Variants in ENAH observed in about 807,000 individuals in gnomAD.
ENAH encodes ENAH actin regulator.
Under a neutral mutation model 78.7 loss-of-function variants are expected in ENAH, and 23 were observed. The ratio of observed to expected loss-of-function variants is 0.29; its 90% CI spans 0.21 to 0.41. The LOEUF (loss-of-function observed/expected upper bound fraction) is 0.41. ENAH is among the 10% of genes least tolerant of loss of function. The pLI is 1.00. For synonymous variants in ENAH, 226 were observed against 241.0 expected, an observed-to-expected ratio of 0.94 and a Z score of 0.58; for missense variants, 544 against 691.0, an observed-to-expected ratio of 0.79 and a Z score of 2.39.
chr1:225,606,793 A>G (rs2096957797), intron 1 of ENAH, among the ~76,000 whole-genome samples: 2 of 148,766 alleles, frequency 1.3e-5, no homozygotes, highest in South Asian at 4.2e-4. Flanking sequence ...CAGTGAGCCA[A>G]CATAACACCA....
chr1:225,586,810 G>T (rs1430953278), intron 1 of ENAH, among the ~76,000 whole-genome samples: 1 of 152,134 alleles, frequency 6.6e-6, no homozygotes, highest in Non-Finnish European at 1.5e-5. Flanking sequence ...AACCACTTGA[G>T]GGCAGGAGTT....
chr1:225,552,240 C>T (rs2096644671), intron 3 of ENAH, among the ~76,000 whole-genome samples: 1 of 151,066 alleles, frequency 6.6e-6, no homozygotes, highest in Non-Finnish European at 1.5e-5. Flanking sequence ...GGGTTCACAC[C>T]ATTCTCCTGC....
intron 11 of ENAH, among the ~76,000 whole-genome samples, chr1:225,506,072 A>G (rs1391279978): frequency 6.6e-6 from 1 of 152,232 alleles, no homozygotes; most frequent in African/African-American, 2.4e-5. Context: ...AAATGGACCA[A>G]ATACATCAAA....
chr1:225,508,750 T>C (rs1017859899), intron 10 of ENAH, among the ~76,000 whole-genome samples: 7 of 152,208 alleles, frequency 4.6e-5, no homozygotes, highest in African/African-American at 7.2e-5. Context: ...ACTACATGAC[T>C]GGGTAAAATC....
In ENAH at chr1:225,487,438, T is replaced by C. The variant is rs981714638; in HGVS notation, c.*10337A>G. On this transcript the variant is annotated 3_prime_UTR_variant, in exon 14 of 14. Transcript: ENST00000366843. The stretch of plus-strand genomic sequence containing the variant: ...TGTTTAATTCAGATTTTCAAACAAC[T>C]TGAGTCAAGCAAGCAGGAGCTTATA... 3.9e-5 allele frequency: 6 copies of C among 152,204 alleles called. No homozygotes were observed. The highest frequency in any genetic ancestry group is 1.4e-4 in the African/African-American group (6 of 41,462). 9.4% of individuals were successfully genotyped at this position (152,204 alleles called of 1,614,324 possible).
At position 225,567,491 on chromosome 1, in the gene ENAH, T is replaced by C. The variant is rs1204120378; in HGVS notation, c.6-77A>G. Reference sequence around the variant, plus strand: ...AGTGTTCCACATAGCCACACAAACCTAGGAGTCAGTCAACGATCAGTGCTG... The same window carrying C: ...AGTGTTCCACATAGCCACACAAACCCAGGAGTCAGTCAACGATCAGTGCTG... On this transcript the variant is annotated intron_variant, in intron 1 of 13. Coordinates refer to ENST00000366843, the MANE Select transcript of ENAH (RefSeq NM_018212.6). 6 of 1,407,732 alleles carry C rather than the reference T, an allele frequency of 4.3e-6. No individual in the cohort carries two copies. The East Asian group carries it at 7.3e-5, about 17-fold the overall frequency. The allele number at this position is 1,407,732 out of a possible 1,614,324, so 87.2% of individuals were successfully genotyped here.
Position 225,591,167 on chromosome 1 carries a change from TA to T in ENAH, c.6-23754del, listed in dbSNP as rs562035257. 1.9e-3 allele frequency among the ~76,000 whole-genome samples: 290 copies of T among 152,322 alleles called. 2 individuals carry two copies. The highest frequency in any genetic ancestry group is 3.8e-3 in the Non-Finnish European group (257 of 68,026). The stretch of plus-strand genomic sequence containing the variant: ...CTATACATTTTTTTCTCACACATTC[TA>T]TACCTCAACAAAGCTTCAGGCCAGG... On this transcript the variant is annotated intron_variant, in intron 1 of 13. Transcript: ENST00000366843.
chr1:225,614,717 A>C (rs59363938), intron 1 of ENAH, among the ~76,000 whole-genome samples: 14,161 of 152,198 alleles, frequency 0.093, 791 homozygotes, highest in South Asian at 0.24. Flanking sequence ...TCATCTCATT[A>C]GCATACAAAA....
chr1:225,542,173 C>T (rs1043415806), intron 3 of ENAH, among the ~76,000 whole-genome samples: 6 of 152,172 alleles, frequency 3.9e-5, no homozygotes, highest in Admixed American at 1.3e-4. Flanking sequence ...TGAGCCACTG[C>T]GCCTAGCCTA....
chr1:225,517,444 G>C, intron 5 of ENAH, 138 bp from the exon 6 acceptor site: 1 of 1,551,732 alleles, frequency 6.4e-7, no homozygotes, highest in Non-Finnish European at 8.7e-7. Flanking sequence ...CGGAGGAGCT[G>C]CTGGCCCTGA....
intron 3 of ENAH, among the ~76,000 whole-genome samples, chr1:225,538,315 T>C (rs937856260): frequency 1.3e-5 from 2 of 152,050 alleles, no homozygotes; most frequent in South Asian, 4.2e-4. Flanking sequence ...GTGGTACAGT[T>C]GCTGCATTAA....
At chr1:225,636,779 A>G (rs1660130943) in intron 1 of ENAH, among the ~76,000 whole-genome samples, 1 of 152,234 alleles carries the variant, frequency 6.6e-6, no homozygotes, top group African/African-American at 2.4e-5. Context: ...TGTCTCATTG[A>G]ACCCAGCATG....
intron 4 of ENAH, among the ~76,000 whole-genome samples, chr1:225,520,935 AGGGAGGGAGGG>A (rs1558748557): frequency 7.7e-3 from 6 of 778 alleles, no homozygotes; most frequent in Non-Finnish European, 0.02. Context: ...GGAGGGAGGG[AGGGAGGGAGGG>A]AGGGAGGGAG....
chr1:225,587,365 AT>A (rs2096852606), intron 1 of ENAH, among the ~76,000 whole-genome samples: 1 of 152,208 alleles, frequency 6.6e-6, no homozygotes, highest in Non-Finnish European at 1.5e-5. Flanking sequence ...AATCAGTTGC[AT>A]TTTTTATATA....
intron 1 of ENAH, among the ~76,000 whole-genome samples, chr1:225,602,278 T>G (rs1418400591): frequency 6.6e-6 from 1 of 152,174 alleles, no homozygotes; most frequent in African/African-American, 2.4e-5. Context: ...GACCTTTTTT[T>G]AATAGGTGGA....
At chr1:225,627,380 G>A (rs1479507799) in intron 1 of ENAH, among the ~76,000 whole-genome samples, 2 of 152,160 alleles carry the variant, frequency 1.3e-5, no homozygotes, top group Non-Finnish European at 2.9e-5. Flanking sequence ...AGGTTGTAAA[G>A]CCCAGGGAGT....
At chr1:225,547,485 T>G (rs1215521056) in intron 3 of ENAH, among the ~76,000 whole-genome samples, 17 of 152,158 alleles carry the variant, frequency 1.1e-4, no homozygotes, top group Non-Finnish European at 2.2e-4. Context: ...ATTCACCTCA[T>G]TCTACCACTG....
chr1:225,562,329 T>A (rs1258801271), intron 2 of ENAH, among the ~76,000 whole-genome samples: 1 of 151,642 alleles, frequency 6.6e-6, no homozygotes, highest in Non-Finnish European at 1.5e-5. Context: ...TCCCAGCACT[T>A]TGGGAGGCTG....
chr1:225,627,064 T>G (rs1007235205), intron 1 of ENAH, among the ~76,000 whole-genome samples: 21 of 152,174 alleles, frequency 1.4e-4, no homozygotes, highest in African/African-American at 5.1e-4. Context: ...TTCTGGCCTA[T>G]CAAAAGAAAA....
Sources: allele counts gnomAD v4.1 joint callset (sites outside exome capture counted in the v4.1 genomes callset), GRCh38; gene constraint gnomAD v4.1.1; transcripts MANE v1.5; gene names NCBI Gene and HGNC (gene_info 2026-07-23, HGNC 2026-07-21).